The following LRRTM4 variants were observed in gnomAD, a reference collection of about 807,000 sequenced individuals.
LRRTM4 encodes leucine rich repeat transmembrane neuronal 4, also known as leucine-rich repeat transmembrane neuronal protein 4.
In LRRTM4, 25 loss-of-function variants were observed where a neutral mutation model predicts 47.6. That is an observed-to-expected ratio of 0.53 (90% CI 0.38 to 0.73). LRRTM4 has a LOEUF of 0.73. LRRTM4 is among the 30% of genes least tolerant of loss of function. The probability of loss-of-function intolerance (pLI) is 0.00; values close to 1 mark genes in which losing one functional copy is unlikely to be tolerated. For synonymous variants in LRRTM4, 311 were observed against 269.5 expected, an observed-to-expected ratio of 1.15 and a Z score of -1.51; for missense variants, 638 against 713.4, an observed-to-expected ratio of 0.89 and a Z score of 1.20.
chr2:76,944,156 T>A (rs1297206178), intron 3 of LRRTM4, among the ~76,000 whole-genome samples: 1 of 152,104 alleles, frequency 6.6e-6, no homozygotes, highest in Non-Finnish European at 1.5e-5. Flanking sequence ...GATATTCGAG[T>A]CACACTAGCT....
intron 3 of LRRTM4, among the ~76,000 whole-genome samples, chr2:76,798,937 G>T (rs1364569749): frequency 4.7e-5 from 7 of 150,488 alleles, no homozygotes; most frequent in East Asian, 2.0e-4. Context: ...AATAACAGGA[G>T]CTGAAATTGT....
intron 3 of LRRTM4, among the ~76,000 whole-genome samples, chr2:77,490,055 G>A (rs2104042372): frequency 6.6e-6 from 1 of 152,252 alleles, no homozygotes; most frequent in East Asian, 1.9e-4. Context: ...TTTGAGACAA[G>A]CCTGGCCAAC....
At chr2:77,200,430 C>T (rs961929583) in intron 3 of LRRTM4, among the ~76,000 whole-genome samples, 3 of 151,988 alleles carry the variant, frequency 2.0e-5, no homozygotes, top group African/African-American at 4.8e-5. Flanking sequence ...AATTGTTATG[C>T]ATATATATGC....
chr2:77,089,101 C>T lies in LRRTM4; in HGVS notation c.1552-340185G>A, dbSNP rs373383386. 1.3e-4 allele frequency among the ~76,000 whole-genome samples: 20 copies of T among 152,218 alleles called. No homozygotes were observed. The East Asian group carries it at 1.4e-3, about 10-fold the overall frequency. On this transcript the variant is annotated intron_variant, in intron 3 of 3. Transcript: ENST00000409884. Reference sequence around the variant, plus strand: ...TCAAGGGTGTCAGACCACACAAGGACGCCTGCCTTGGTCCTTCACCCTTAG... The same window carrying T: ...TCAAGGGTGTCAGACCACACAAGGATGCCTGCCTTGGTCCTTCACCCTTAG...
At chr2:76,773,296 C>T (rs112429955) in intron 3 of LRRTM4, among the ~76,000 whole-genome samples, 2 of 152,234 alleles carry the variant, frequency 1.3e-5, no homozygotes, top group Admixed American at 1.3e-4. Flanking sequence ...TAGTTTTTCA[C>T]TAGCTCAGTC....
chr2:76,852,044 C>T (rs981891313), intron 3 of LRRTM4, among the ~76,000 whole-genome samples: 1 of 151,906 alleles, frequency 6.6e-6, no homozygotes, highest in Non-Finnish European at 1.5e-5. Context: ...TTTTCTAATC[C>T]TGTTCAGATA....
chr2:77,432,370 A>G (rs1461322442), intron 3 of LRRTM4, among the ~76,000 whole-genome samples: 1 of 152,222 alleles, frequency 6.6e-6, no homozygotes, highest in African/African-American at 2.4e-5. Context: ...ATATTAATTT[A>G]GGCAACACAA....
At chr2:76,838,973 T>C (rs1671595133) in intron 3 of LRRTM4, among the ~76,000 whole-genome samples, 1 of 152,142 alleles carries the variant, frequency 6.6e-6, no homozygotes, top group African/African-American at 2.4e-5. Context: ...ATACTGGCAA[T>C]GAAATACATG....
intron 3 of LRRTM4, among the ~76,000 whole-genome samples, chr2:76,826,038 T>C (rs1054018720): frequency 3.5e-4 from 53 of 151,852 alleles, no homozygotes; most frequent in African/African-American, 9.4e-4. Context: ...TGGAATTGAA[T>C]GAATAGAATT....
At chr2:76,996,171 C>A (rs916389690) in intron 3 of LRRTM4, among the ~76,000 whole-genome samples, 4 of 151,836 alleles carry the variant, frequency 2.6e-5, no homozygotes, top group African/African-American at 9.7e-5. Context: ...CATAAACAAG[C>A]AATAGATGTA....
At chr2:76,791,449 G>A (rs1404198298) in intron 3 of LRRTM4, among the ~76,000 whole-genome samples, 1 of 152,020 alleles carries the variant, frequency 6.6e-6, no homozygotes. Flanking sequence ...AGAATTTAGA[G>A]GAAAAAATCC....
In LRRTM4 at chr2:76,974,205, T is replaced by C. The variant is rs1400308987; in HGVS notation, c.1552-225289A>G. Among the ~76,000 whole-genome samples, 27 of 84,120 alleles carry C rather than the reference T, an allele frequency of 3.2e-4. 1 individual carries two copies. The highest frequency in any genetic ancestry group is 3.3e-4 in the Admixed American group (3 of 9,200). 55.2% of individuals were successfully genotyped at this position (84,120 alleles called of 152,430 possible). A position where few individuals can be genotyped will look rare whatever the true frequency, so the allele number is the denominator to read the frequency against. On this transcript the variant is annotated intron_variant, in intron 3 of 3. Transcript: ENST00000409884. ...ATACATACATATATATACATATATA[T>C]ATATACACATATATATACATACATA...
At chr2:77,490,260 A>G (rs1678090154) in intron 3 of LRRTM4, among the ~76,000 whole-genome samples, 1 of 152,168 alleles carries the variant, frequency 6.6e-6, no homozygotes, top group African/African-American at 2.4e-5. Context: ...AAAAAAAACA[A>G]AACAAAACAA....
At chr2:77,350,717 A>C (rs1671734899) in intron 3 of LRRTM4, among the ~76,000 whole-genome samples, 1 of 152,178 alleles carries the variant, frequency 6.6e-6, no homozygotes, top group Non-Finnish European at 1.5e-5. Flanking sequence ...CTAAAACAGG[A>C]CAAACAATCT....
At chr2:77,206,395 G>A (rs1273419088) in intron 3 of LRRTM4, among the ~76,000 whole-genome samples, 2 of 151,730 alleles carry the variant, frequency 1.3e-5, no homozygotes, top group East Asian at 3.9e-4. Flanking sequence ...GCGAGGCTGA[G>A]GCTGGTCTTG....
chr2:77,287,896 G>A (rs1321389075), intron 3 of LRRTM4, among the ~76,000 whole-genome samples: 1 of 152,098 alleles, frequency 6.6e-6, no homozygotes, highest in African/African-American at 2.4e-5. Context: ...GGCACCCACT[G>A]GGGGTTTTGG....
At chr2:77,300,531 A>T (rs1168392998) in intron 3 of LRRTM4, among the ~76,000 whole-genome samples, 1 of 152,158 alleles carries the variant, frequency 6.6e-6, no homozygotes, top group East Asian at 1.9e-4. Flanking sequence ...AATAAATAGT[A>T]TATGTAGTGA....
intron 3 of LRRTM4, among the ~76,000 whole-genome samples, chr2:77,424,998 G>A (rs778039562): frequency 4.6e-5 from 7 of 151,976 alleles, no homozygotes; most frequent in South Asian, 2.1e-4. Context: ...GAATCACAGC[G>A]GCAGACTCTT....
chr2:77,237,929 T>C (rs562463088), intron 3 of LRRTM4, among the ~76,000 whole-genome samples: 112 of 152,208 alleles, frequency 7.4e-4, no homozygotes, highest in African/African-American at 2.6e-3. Context: ...GGATCCAGGT[T>C]CTTTATATAT....
Sources: allele counts gnomAD v4.1 joint callset (sites outside exome capture counted in the v4.1 genomes callset), GRCh38; gene constraint gnomAD v4.1.1; transcripts MANE v1.5; gene names NCBI Gene and HGNC (gene_info 2026-07-23, HGNC 2026-07-21).